The following PRKCZ variants were observed in gnomAD, a reference collection of about 807,000 sequenced individuals.
PRKCZ encodes the protein protein kinase C zeta type.
PRKCZ carries 33 observed loss-of-function variants against 79.5 expected under a neutral mutation model. That is an observed-to-expected ratio of 0.41 (90% CI 0.31 to 0.55). The LOEUF (loss-of-function observed/expected upper bound fraction) is 0.55, where lower values mean the gene tolerates loss of function less well. Among genes scored for constraint, PRKCZ ranks in the 20% least tolerant of loss-of-function variants. The pLI, the probability that PRKCZ is intolerant of heterozygous loss-of-function variation, is 0.19. For synonymous variants in PRKCZ, 342 were observed against 320.9 expected (o/e 1.07, Z -0.70); for missense variants, 578 against 813.5 (o/e 0.71, Z 3.52).
At chr1:2,114,248 T>C (rs989455887) in intron 4 of PRKCZ, among the ~76,000 whole-genome samples, 1 of 150,904 alleles carries the variant, frequency 6.6e-6, no homozygotes, top group African/African-American at 2.4e-5. Flanking sequence ...GAGAACGTGC[T>C]CTCCAGGGAT....
At chr1:2,120,128 A>G (rs1291855156) in intron 4 of PRKCZ, among the ~76,000 whole-genome samples, 1 of 152,046 alleles carries the variant, frequency 6.6e-6, no homozygotes, top group African/African-American at 2.4e-5. Flanking sequence ...CTGGAAGGCA[A>G]CATCTCTTTT....
intron 4 of PRKCZ, chr1:2,073,594 G>T: frequency 1.0e-6 from 1 of 986,236 alleles, no homozygotes; most frequent in Non-Finnish European, 1.2e-6. Flanking sequence ...TGCTGATGCA[G>T]AGATGCTTGT....
At position 2,128,927 on chromosome 1, in the gene PRKCZ, C is replaced by T. The variant is rs528203802; in HGVS notation, c.335-6335C>T. Among the ~76,000 whole-genome samples, 1 of 152,282 alleles carries T rather than the reference C, an allele frequency of 6.6e-6. No individual in the cohort carries two copies. Among genetic ancestry groups the T allele is most frequent in the African/African-American group, 2.4e-5 (1 of 41,558 alleles). Reference sequence around the variant, plus strand: ...TGGGGGCCAGGGGCCGTTTCCAGAGCACACTCCCCAGAAGGGCTCCCTTCT... The same window carrying T: ...TGGGGGCCAGGGGCCGTTTCCAGAGTACACTCCCCAGAAGGGCTCCCTTCT... On this transcript the variant is annotated intron_variant, in intron 4 of 17. Transcript: ENST00000378567. This position sits in a 1 kb window ranked among gnomAD's most constrained non-coding sequence, Gnocchi z 6.5.
In PRKCZ at chr1:2,074,652, T is replaced by G. The variant is rs1271153308; in HGVS notation, c.334+15061T>G. ...CCGTTTTGCATTGACAGTGTTGGGT[T>G]GGAGTCTGGGTGGCACAGCCAGGGT... On this transcript the variant is annotated intron_variant, in intron 4 of 17. Coordinates refer to ENST00000378567, the MANE Select transcript of PRKCZ (RefSeq NM_002744.6). 1.3e-5 allele frequency: 5 copies of G among 372,916 alleles called. No homozygotes were observed. In the East Asian group the frequency reaches 2.7e-4, roughly 20 times the overall value. 23.1% of individuals were successfully genotyped at this position (372,916 alleles called of 1,614,324 possible).
At chr1:2,157,769 G>C (rs1404181622) in intron 10 of PRKCZ, among the ~76,000 whole-genome samples, 1 of 149,606 alleles carries the variant, frequency 6.7e-6, no homozygotes, top group South Asian at 2.1e-4. Flanking sequence ...CCCCAGGCTG[G>C]TCTCAAACTC....
At chr1:2,055,305 AG>A in intron 1 of PRKCZ, 135 bp from the exon 2 acceptor site, 1 of 942,124 alleles carries the variant, frequency 1.1e-6, no homozygotes, top group African/African-American at 3.8e-5. Flanking sequence ...GGGAGGGGGG[AG>A]GGGGTGGGGC....
At chr1:2,151,557 A>G (rs1679912817) in intron 9 of PRKCZ, among the ~76,000 whole-genome samples, 1 of 152,258 alleles carries the variant, frequency 6.6e-6, no homozygotes, top group Admixed American at 6.5e-5. Context: ...ACAAGGCCCC[A>G]GCTTTGCAGT....
chr1:2,075,188 A>G lies in PRKCZ; in HGVS notation c.334+15597A>G, dbSNP rs1662170297. 6.6e-6 allele frequency: 1 copy of G among 152,316 alleles called. No homozygotes were observed. Among genetic ancestry groups the G allele is most frequent in the Admixed American group, 6.5e-5 (1 of 15,286 alleles). 9.4% of individuals were successfully genotyped at this position (152,316 alleles called of 1,614,324 possible). ...GTTTTCACACGTGCGCCTGCCTGCG[A>G]GGAGAAACGTGCTGTGTCATAGTTT... On this transcript the variant is annotated intron_variant, in intron 4 of 17. Transcript: ENST00000378567. The surrounding 1 kb of genome is among the most constrained non-coding windows in gnomAD (Gnocchi z 4.8).
chr1:2,160,244 T>TGTGTGTGA (rs1681961364), intron 10 of PRKCZ, among the ~76,000 whole-genome samples: 1 of 144,876 alleles, frequency 6.9e-6, no homozygotes, highest in African/African-American at 2.5e-5. Flanking sequence ...TGTGCGTGTG[T>TGTGTGTGA]GTGTGTGTGT....
At chr1:2,135,380 G>C (rs1675974369) in intron 5 of PRKCZ, 33 bp downstream of exon 5, 2 of 1,548,658 alleles carry the variant, frequency 1.3e-6, no homozygotes, top group Non-Finnish European at 8.8e-7. Flanking sequence ...GTCCCTCAAG[G>C]GGCCTTTTGT....
At chr1:2,092,819 G>C (rs372290160) in intron 4 of PRKCZ, among the ~76,000 whole-genome samples, 210 of 152,348 alleles carry the variant, frequency 1.4e-3, no homozygotes, top group African/African-American at 4.7e-3. Context: ...GAGGGGCCAG[G>C]TGGACCCCTG....
At chr1:2,181,556 GC>G (rs1323973760) in intron 16 of PRKCZ, among the ~76,000 whole-genome samples, 1 of 152,238 alleles carries the variant, frequency 6.6e-6, no homozygotes, top group Non-Finnish European at 1.5e-5. Flanking sequence ...CCGACCTGGA[GC>G]CCACGTGCCA....
chr1:2,124,528 G>T (rs1673482113), intron 4 of PRKCZ, among the ~76,000 whole-genome samples: 1 of 152,112 alleles, frequency 6.6e-6, no homozygotes, highest in African/African-American at 2.4e-5. Context: ...TGAGAACATG[G>T]TGAGCATGAG....
chr1:2,163,461 C>T (rs1337915926), intron 10 of PRKCZ, among the ~76,000 whole-genome samples: 3 of 152,202 alleles, frequency 2.0e-5, no homozygotes, highest in Non-Finnish European at 4.4e-5. Context: ...AGCCTCTCAG[C>T]CCCCAGCCAC....
At position 2,132,522 on chromosome 1, in the gene PRKCZ, G is replaced by A. The variant is rs531480396; in HGVS notation, c.335-2740G>A. On this transcript the variant is annotated intron_variant, in intron 4 of 17. Transcript: ENST00000378567. Reference sequence around the variant, plus strand: ...GGGCTGCGGGGGATTGATTTGTGCCGACCCCGCAGTGTAGGAGACGCCTGG... The same window carrying A: ...GGGCTGCGGGGGATTGATTTGTGCCAACCCCGCAGTGTAGGAGACGCCTGG... Among the ~76,000 whole-genome samples the A allele has an allele frequency of 3.3e-5, 5 of 152,290 alleles. No individual in the cohort carries two copies. The South Asian group carries it at 1.0e-3, about 32-fold the overall frequency.
chr1:2,124,338 T>C (rs1287424012), intron 4 of PRKCZ, among the ~76,000 whole-genome samples: 2 of 141,692 alleles, frequency 1.4e-5, no homozygotes, highest in African/African-American at 5.2e-5. Context: ...GTCACGGTGG[T>C]GGTTAGGGTC....
chr1:2,145,872 C>T (rs778079431), intron 6 of PRKCZ, among the ~76,000 whole-genome samples, 155 bp from the exon 7 acceptor site: 3 of 152,158 alleles, frequency 2.0e-5, no homozygotes, highest in East Asian at 1.9e-4. Context: ...GCCGTGATCG[C>T]GCCACTGCTC....
At position 2,059,606 on chromosome 1, in the gene PRKCZ, TTCC is replaced by T. The variant is rs1557476660; in HGVS notation, c.334+17_334+19del. The T allele has an allele frequency of 6.2e-7, 1 of 1,613,862 alleles. No homozygotes were observed. Among genetic ancestry groups the T allele is most frequent in the Admixed American group, 1.7e-5 (1 of 60,016 alleles). On this transcript the variant is annotated intron_variant, in intron 4 of 17. Transcript: ENST00000378567. ...GGGAGAAGACAGTGAGTACTGGGGT[TTCC>T]TACGCCGGTCTCGCATGTTACGGGG...
At chr1:2,068,459 CT>C (rs1661304653) in intron 4 of PRKCZ, among the ~76,000 whole-genome samples, 2 of 152,372 alleles carry the variant, frequency 1.3e-5, no homozygotes, top group South Asian at 4.1e-4. Context: ...GCCTGTCACC[CT>C]GAACCTCCCC....
Sources: allele counts gnomAD v4.1 joint callset (sites outside exome capture counted in the v4.1 genomes callset), GRCh38; gene constraint gnomAD v4.1.1; non-coding constraint Gnocchi (gnomAD v3.1); transcripts MANE v1.5; gene names NCBI Gene and HGNC (gene_info 2026-07-23, HGNC 2026-07-21).